The following POT1 variants were observed in gnomAD, a reference collection of about 807,000 sequenced individuals.
The protein encoded by POT1 is protection of telomeres protein 1.
POT1 carries 47 observed loss-of-function variants against 78.5 expected under a neutral mutation model. That is an observed-to-expected ratio of 0.60 (90% CI 0.47 to 0.76). POT1 has a LOEUF of 0.76. Among genes scored for constraint, POT1 ranks in the 30% least tolerant of loss-of-function variants. The pLI is 0.00. For synonymous variants in POT1, 259 were observed against 260.7 expected (o/e 0.99, Z 0.06); for missense variants, 646 against 749.9 (o/e 0.86, Z 1.62).
At chr7:124,902,195 G>A (rs1259291461) in intron 3 of POT1, among the ~76,000 whole-genome samples, 8 of 152,156 alleles carry the variant, frequency 5.3e-5, no homozygotes, top group Admixed American at 1.3e-4. Flanking sequence ...GATGCTCCTC[G>A]AGAAGAGCAA....
intron 3 of POT1, among the ~76,000 whole-genome samples, chr7:124,911,110 T>C (rs1796879271): frequency 6.6e-6 from 1 of 152,090 alleles, no homozygotes; most frequent in Non-Finnish European, 1.5e-5. Context: ...CAACACTGAA[T>C]TCTTAATAAT....
chr7:124,847,613 A>C (rs562114826), intron 11 of POT1, among the ~76,000 whole-genome samples: 56 of 152,370 alleles, frequency 3.7e-4, no homozygotes, highest in African/African-American at 1.3e-3. Context: ...AAAAAATAAC[A>C]AAGTTGGAGA....
At chr7:124,832,713 CG>C (rs531274116) in intron 15 of POT1, among the ~76,000 whole-genome samples, 1 of 149,546 alleles carries the variant, frequency 6.7e-6, no homozygotes, top group South Asian at 2.2e-4. Context: ...AGCTACTCGG[CG>C]GGGGGGTTGA....
At chr7:124,843,227 T>G (rs2116469411) in intron 12 of POT1, 1 of 251,844 alleles carries the variant, frequency 4.0e-6, no homozygotes, top group East Asian at 7.3e-5. Flanking sequence ...AACTGCCTAG[T>G]AAGCATTCAA....
At chr7:124,853,891 C>T (rs1259809675) in intron 9 of POT1, among the ~76,000 whole-genome samples, 41 of 151,852 alleles carry the variant, frequency 2.7e-4, no homozygotes, top group Admixed American at 2.6e-3. Flanking sequence ...GATATTGACA[C>T]CTACCTAAAA....
intron 17 of POT1, among the ~76,000 whole-genome samples, 198 bp from the exon 18 acceptor site, chr7:124,825,555 T>C (rs190039646): frequency 6.6e-6 from 1 of 152,198 alleles, no homozygotes; most frequent in Admixed American, 6.5e-5. Context: ...AAAATAGCTT[T>C]GAGATACACG....
At chr7:124,850,426 T>C (rs951547373) in intron 11 of POT1, among the ~76,000 whole-genome samples, 3 of 152,190 alleles carry the variant, frequency 2.0e-5, no homozygotes, top group Admixed American at 6.5e-5. Context: ...AGGAGTGTTG[T>C]TAGAATTAAA....
At chr7:124,824,102 T>C in intron 18 of POT1, 28 bp from the exon 19 acceptor site, 1 of 1,416,792 alleles carries the variant, frequency 7.1e-7, no homozygotes, top group South Asian at 1.2e-5. Context: ...AAAAAAGCGA[T>C]TTAACCATTA....
At chr7:124,831,494 C>T (rs2116429337) in intron 15 of POT1, among the ~76,000 whole-genome samples, 1 of 152,166 alleles carries the variant, frequency 6.6e-6, no homozygotes, top group South Asian at 2.1e-4. Context: ...TATCCATTCC[C>T]TCTCATTCCA....
chr7:124,928,537 G>C (rs186320613), intron 2 of POT1, among the ~76,000 whole-genome samples: 2 of 152,296 alleles, frequency 1.3e-5, no homozygotes, highest in South Asian at 4.1e-4. Context: ...TCAGGTGATT[G>C]ATCTGTCAGA....
At chr7:124,842,072 C>T (rs1197123418) in intron 13 of POT1, among the ~76,000 whole-genome samples, 1 of 151,828 alleles carries the variant, frequency 6.6e-6, no homozygotes, top group African/African-American at 2.4e-5. Context: ...AAATACATGG[C>T]GATGTACATA....
At chr7:124,906,307 C>A (rs1183950078) in intron 3 of POT1, among the ~76,000 whole-genome samples, 1 of 151,938 alleles carries the variant, frequency 6.6e-6, no homozygotes, top group African/African-American at 2.4e-5. Context: ...TACTATGCAA[C>A]CGTAAAAAAT....
intron 2 of POT1, among the ~76,000 whole-genome samples, chr7:124,923,118 AATATG>A (rs1218890822): frequency 6.6e-6 from 1 of 151,902 alleles, no homozygotes; most frequent in Non-Finnish European, 1.5e-5. Flanking sequence ...AAAGCAGGGA[AATATG>A]ATATCACCAA....
At chr7:124,906,589 G>C (rs6952529) in intron 3 of POT1, among the ~76,000 whole-genome samples, 91,015 of 151,482 alleles carry the variant, frequency 0.6, 27,482 homozygotes, top group African/African-American at 0.65. Context: ...GTATACATAT[G>C]TAACAAAACT....
intron 8 of POT1, among the ~76,000 whole-genome samples, chr7:124,860,142 GA>G (rs926110060): frequency 7.4e-5 from 11 of 148,490 alleles, no homozygotes; most frequent in African/African-American, 9.8e-5. Flanking sequence ...TCACTGTCCG[GA>G]AAAAAAAAAT....
chr7:124,869,975 C>T (rs1795828006), intron 7 of POT1, among the ~76,000 whole-genome samples: 1 of 152,064 alleles, frequency 6.6e-6, no homozygotes, highest in South Asian at 2.1e-4. Context: ...ATAAAAAGTG[C>T]CTAAGAGTAG....
chr7:124,919,649 G>A (rs528231991), intron 2 of POT1, among the ~76,000 whole-genome samples: 80 of 152,114 alleles, frequency 5.3e-4, no homozygotes, highest in Non-Finnish European at 1.0e-3. Flanking sequence ...AAGACACAGC[G>A]AGAAGGTGAG....
intron 6 of POT1, among the ~76,000 whole-genome samples, chr7:124,887,628 C>T (rs887682770): frequency 4.6e-5 from 7 of 152,026 alleles, no homozygotes; most frequent in African/African-American, 1.7e-4. Flanking sequence ...GAGATAAAGT[C>T]TACATTTCAT....
intron 15 of POT1, among the ~76,000 whole-genome samples, chr7:124,831,987 A>C (rs1794769386): frequency 7.3e-6 from 1 of 137,196 alleles, no homozygotes; most frequent in African/African-American, 2.8e-5. Flanking sequence ...GTAACATTTA[A>C]TTTCTTAAAA....
Sources: allele counts gnomAD v4.1 joint callset (sites outside exome capture counted in the v4.1 genomes callset), GRCh38; gene constraint gnomAD v4.1.1; transcripts MANE v1.5; gene names NCBI Gene and HGNC (gene_info 2026-07-23, HGNC 2026-07-21).